SPPL3: variants seen among roughly 807,000 people sequenced by gnomAD.
SPPL3 encodes signal peptide peptidase-like 3.
SPPL3 carries 5 observed loss-of-function variants against 42.4 expected under a neutral mutation model. That is an observed-to-expected ratio of 0.12 (90% CI 0.06 to 0.25). The LOEUF (loss-of-function observed/expected upper bound fraction) is 0.25, where lower values mean the gene tolerates loss of function less well. SPPL3 is among the 10% of genes least tolerant of loss of function. The pLI is 1.00. For missense variants in SPPL3, 235 were observed against 489.0 expected (o/e 0.48, Z 4.90); for synonymous variants, 195 against 181.8 (o/e 1.07, Z -0.58).
intron 1 of SPPL3, among the ~76,000 whole-genome samples, chr12:120,865,287 CTGTACACTGCTCTACA>C (rs1310254896): frequency 1.3e-5 from 2 of 152,240 alleles, no homozygotes; most frequent in African/African-American, 4.8e-5. Flanking sequence ...TCATAGCGAA[CTGTACACTGCTCTACA>C]ATGCACTGCA....
chr12:120,763,960 C>CACAA lies in SPPL3; in HGVS notation c.*1038_*1039insTTGT, dbSNP rs1868770668. ...TGATGAGAAAGCACAAAGACACCTG[C>CACAA]TGCTATAATACATGCATTGGCTCGA... is the stretch of plus-strand genomic sequence containing the variant. On this transcript the variant is annotated 3_prime_UTR_variant, in exon 11 of 11. Transcript: ENST00000353487. 2.0e-5 allele frequency: 3 copies of CACAA among 152,510 alleles called. No homozygotes were observed. Among genetic ancestry groups the CACAA allele is most frequent in the African/African-American group, 2.4e-5 (1 of 41,420 alleles). The allele number at this position is 152,510 out of a possible 1,614,324, so 9.4% of individuals were successfully genotyped here.
chr12:120,874,888 G>C (rs1344598640), intron 1 of SPPL3, among the ~76,000 whole-genome samples: 1 of 152,150 alleles, frequency 6.6e-6, no homozygotes, highest in Non-Finnish European at 1.5e-5. Context: ...AGTCAAGGCT[G>C]GGTCACAAAA....
At chr12:120,835,614 A>T (rs1745203756) in intron 1 of SPPL3, 1 of 152,228 alleles carries the variant, frequency 6.6e-6, no homozygotes, top group Admixed American at 6.5e-5. Flanking sequence ...CCCTCTTAAA[A>T]GATCTCTTCT....
chr12:120,887,878 T>C (rs1039193741), intron 1 of SPPL3, among the ~76,000 whole-genome samples: 72 of 152,332 alleles, frequency 4.7e-4, no homozygotes, highest in African/African-American at 1.7e-3. Flanking sequence ...GGTGAAGACG[T>C]GGAGAAATTA....
chr12:120,892,934 A>G (rs1873687105), intron 1 of SPPL3, among the ~76,000 whole-genome samples: 1 of 139,728 alleles, frequency 7.2e-6, no homozygotes, highest in Admixed American at 7.5e-5. Flanking sequence ...GTGAGCCGAG[A>G]TGGTGCCACT....
intron 3 of SPPL3, among the ~76,000 whole-genome samples, chr12:120,787,053 T>C (rs1339529647): frequency 6.6e-6 from 1 of 152,210 alleles, no homozygotes; most frequent in Non-Finnish European, 1.5e-5. Flanking sequence ...TGGTATGGAA[T>C]AGACACTGAG....
chr12:120,886,993 T>C (rs1364569477), intron 1 of SPPL3, among the ~76,000 whole-genome samples: 2 of 151,962 alleles, frequency 1.3e-5, no homozygotes, highest in African/African-American at 4.8e-5. Flanking sequence ...TTTTTTTTTT[T>C]GAGACAGAAT....
At chr12:120,832,717 T>C (rs1871468158) in intron 1 of SPPL3, among the ~76,000 whole-genome samples, 1 of 152,134 alleles carries the variant, frequency 6.6e-6, no homozygotes, top group Non-Finnish European at 1.5e-5. Context: ...TTTATTTTAC[T>C]TGGAAATCCT....
chr12:120,810,158 T>G (rs1417605936), intron 2 of SPPL3, among the ~76,000 whole-genome samples: 2 of 152,058 alleles, frequency 1.3e-5, no homozygotes, highest in African/African-American at 4.8e-5. Flanking sequence ...TAAAAAATAT[T>G]TTTTGTAGAG....
chr12:120,808,039 G>A (rs1246872576), intron 2 of SPPL3, among the ~76,000 whole-genome samples: 2 of 150,258 alleles, frequency 1.3e-5, no homozygotes, highest in Non-Finnish European at 3.0e-5. Context: ...TCTTTGTCAA[G>A]TTACATCAAC....
chr12:120,811,055 G>A, intron 1 of SPPL3, 169 bp from the exon 2 acceptor site: 1 of 488,720 alleles, frequency 2.0e-6, no homozygotes, highest in Admixed American at 3.9e-5. Flanking sequence ...AGATTTGCTA[G>A]TTTAACATGA....
chr12:120,894,765 G>C (rs1265416238), intron 1 of SPPL3, among the ~76,000 whole-genome samples: 1 of 152,060 alleles, frequency 6.6e-6, no homozygotes, highest in African/African-American at 2.4e-5. Context: ...GAGCAATATG[G>C]AGAAACCCCG....
In SPPL3 at chr12:120,895,257, G is replaced by A. The variant is rs903099214; in HGVS notation, c.23+8588C>T. ...AGCCTGGCCAACTCGGTGAAACTCC[G>A]TCTCTACAAAAAATACAAAATTAGC... On this transcript the variant is annotated intron_variant, in intron 1 of 10. Transcript: ENST00000353487. Among the ~76,000 whole-genome samples, 4 of 152,058 alleles carry A rather than the reference G, an allele frequency of 2.6e-5. No individual in the cohort carries two copies. The East Asian group carries it at 5.8e-4, about 22-fold the overall frequency.
chr12:120,877,154 A>G (rs1280037587), intron 1 of SPPL3, among the ~76,000 whole-genome samples: 1 of 152,242 alleles, frequency 6.6e-6, no homozygotes, highest in Non-Finnish European at 1.5e-5. Context: ...AAATTGGGAT[A>G]AAGATACATA....
intron 1 of SPPL3, among the ~76,000 whole-genome samples, chr12:120,878,905 C>A (rs372460257): frequency 2.6e-4 from 40 of 151,650 alleles, no homozygotes; most frequent in African/African-American, 7.0e-4. Flanking sequence ...CCTGAGGTCG[C>A]GAGTTTAAGA....
chr12:120,781,936 A>G (rs1432532248), intron 6 of SPPL3, among the ~76,000 whole-genome samples: 1 of 151,906 alleles, frequency 6.6e-6, no homozygotes, highest in Non-Finnish European at 1.5e-5. Context: ...GGAGTGCAGT[A>G]GCATGATCAT....
intron 1 of SPPL3, among the ~76,000 whole-genome samples, chr12:120,901,197 A>T (rs562643283): frequency 6.6e-6 from 1 of 152,200 alleles, no homozygotes; most frequent in East Asian, 1.9e-4. Context: ...AATATCACCT[A>T]CCTCAGAAAC....
intron 7 of SPPL3, 69 bp from the exon 8 acceptor site, chr12:120,768,557 T>C: frequency 1.3e-6 from 2 of 1,518,338 alleles, no homozygotes; most frequent in Non-Finnish European, 1.8e-6. Context: ...TCAGCCCTCC[T>C]TGCTCTTAAG....
In SPPL3 at chr12:120,809,437, T is replaced by G. The variant is rs537062052; in HGVS notation, c.101+1372A>C. ...TTCTACTCAGTATTGAGGTAAAGAC[T>G]GCAAGTCTGTGATTTTACAAAGTAG... On this transcript the variant is annotated intron_variant, in intron 2 of 10. Coordinates refer to ENST00000353487, the MANE Select transcript of SPPL3 (RefSeq NM_139015.5). 3.9e-5 allele frequency among the ~76,000 whole-genome samples: 6 copies of G among 152,322 alleles called. No individual in the cohort carries two copies. The East Asian group carries it at 1.2e-3, about 29-fold the overall frequency.
Sources: gnomAD v4.1 joint callset for allele counts (sites outside exome capture counted in the v4.1 genomes callset) on GRCh38, gnomAD v4.1.1 for gene constraint, MANE v1.5 for transcripts, NCBI Gene and HGNC (gene_info 2026-07-23, HGNC 2026-07-21) for gene names.